Variants in WNT7A observed in about 807,000 individuals in gnomAD.
The protein encoded by WNT7A is protein Wnt-7a.
Under a neutral mutation model 28.2 loss-of-function variants are expected in WNT7A, and 16 were observed. The observed-to-expected ratio is 0.57, with a 90% CI of 0.38 to 0.86. WNT7A has a LOEUF of 0.86. WNT7A is among the 40% of genes least tolerant of loss of function. The pLI is 0.00. For synonymous variants in WNT7A, 190 were observed against 195.9 expected (o/e 0.97, Z 0.25); for missense variants, 411 against 489.7 (o/e 0.84, Z 1.52).
Position 13,856,853 on chromosome 3 carries a change from AGAAGAG to A in WNT7A, c.299-2056_299-2051del, listed in dbSNP as rs1291301528. ...ATGAAGGAGAAGAAGAAGAAGAGGA[AGAAGAG>A]GAAGAGGAAGAGGAAGAAGAGGAAG... On this transcript the variant is annotated intron_variant, in intron 2 of 3. Transcript: ENST00000285018. Among the ~76,000 whole-genome samples, 77 of 149,052 alleles carry A rather than the reference AGAAGAG, an allele frequency of 5.2e-4. 1 individual carries two copies. The highest frequency in any genetic ancestry group is 1.3e-3 in the African/African-American group (54 of 40,232).
At chr3:13,839,189 T>C (rs1694418108) in intron 3 of WNT7A, among the ~76,000 whole-genome samples, 2 of 152,208 alleles carry the variant, frequency 1.3e-5, no homozygotes, top group South Asian at 2.1e-4. Flanking sequence ...GTGTGGTTCC[T>C]GGACCAACCA....
At chr3:13,836,930 A>G (rs1407563818) in intron 3 of WNT7A, among the ~76,000 whole-genome samples, 1 of 152,194 alleles carries the variant, frequency 6.6e-6, no homozygotes, top group Non-Finnish European at 1.5e-5. Flanking sequence ...CAGGTAGGAA[A>G]GGAAGGCAAG....
intron 1 of WNT7A, among the ~76,000 whole-genome samples, chr3:13,877,883 C>T (rs530702552): frequency 6.6e-6 from 1 of 152,300 alleles, no homozygotes; most frequent in African/African-American, 2.4e-5. Context: ...ATAAGAATAC[C>T]GCAGATGCCC....
chr3:13,866,807 GAGA>G (rs1256087752), intron 2 of WNT7A, among the ~76,000 whole-genome samples: 11 of 152,200 alleles, frequency 7.2e-5, no homozygotes, highest in Non-Finnish European at 1.5e-5. Context: ...GAGCAACACG[GAGA>G]AGATGTCATG....
chr3:13,835,083 G>A (rs938070894), intron 3 of WNT7A, among the ~76,000 whole-genome samples: 1 of 152,246 alleles, frequency 6.6e-6, no homozygotes, highest in Non-Finnish European at 1.5e-5. Context: ...GGGCAGGCTA[G>A]GCAGAGGGAA....
intron 3 of WNT7A, among the ~76,000 whole-genome samples, chr3:13,847,388 G>A (rs565767151): frequency 9.1e-4 from 139 of 152,332 alleles, no homozygotes; most frequent in African/African-American, 3.0e-3. Context: ...CAGGAGCCAG[G>A]CCCTAGGTGC....
intron 3 of WNT7A, among the ~76,000 whole-genome samples, chr3:13,820,271 T>A (rs746167771): frequency 1.3e-5 from 2 of 152,178 alleles, no homozygotes; most frequent in Non-Finnish European, 2.9e-5. Flanking sequence ...GCTTGTTATA[T>A]CATGAAAGAA....
At chr3:13,831,123 C>T (rs1436821174) in intron 3 of WNT7A, among the ~76,000 whole-genome samples, 2 of 152,146 alleles carry the variant, frequency 1.3e-5, no homozygotes, top group Non-Finnish European at 1.5e-5. Flanking sequence ...GACAATTTCT[C>T]GGCCTAGGGC....
At chr3:13,869,570 AAG>A (rs200249080) in intron 2 of WNT7A, among the ~76,000 whole-genome samples, 3,438 of 147,368 alleles carry the variant, frequency 0.023, 103 homozygotes, top group East Asian at 0.13. Context: ...GGAAGGAATG[AAG>A]AGAGAGAGAG....
chr3:13,853,755 G>T lies in WNT7A; in HGVS notation c.570+777C>A, dbSNP rs537178805. 1.2e-3 allele frequency among the ~76,000 whole-genome samples: 176 copies of T among 152,320 alleles called. 6 individuals carry two copies. The highest frequency in any genetic ancestry group is 1.0e-4 in the Non-Finnish European group (7 of 68,030). On this transcript the variant is annotated intron_variant, in intron 3 of 3. Transcript: ENST00000285018. ...ACGGGATCCATCCTGACCCTGACTT[G>T]CTGCGGGCCACGTGCTATTCTCTCC... is the stretch of plus-strand genomic sequence containing the variant.
chr3:13,821,317 T>C (rs1694106426), intron 3 of WNT7A, among the ~76,000 whole-genome samples: 1 of 152,218 alleles, frequency 6.6e-6, no homozygotes. Flanking sequence ...CCTCAGACAC[T>C]GCTGGAGGCA....
At chr3:13,864,850 A>AGG in intron 2 of WNT7A, among the ~76,000 whole-genome samples, 1 of 152,276 alleles carries the variant, frequency 6.6e-6, no homozygotes, top group African/African-American at 2.4e-5. Context: ...GCTTTCCTGT[A>AGG]CTTGTATGGA....
At chr3:13,837,276 T>C (rs1242043430) in intron 3 of WNT7A, among the ~76,000 whole-genome samples, 1 of 151,922 alleles carries the variant, frequency 6.6e-6, no homozygotes, top group Non-Finnish European at 1.5e-5. Context: ...GTGACACCCT[T>C]CCTCCAGTTC....
intron 3 of WNT7A, among the ~76,000 whole-genome samples, chr3:13,828,130 G>T (rs1445963313): frequency 6.6e-6 from 1 of 152,228 alleles, no homozygotes; most frequent in African/African-American, 2.4e-5. Context: ...CTAAGGATGG[G>T]TGACTCAGAC....
At chr3:13,856,791 C>A (rs1474285017) in intron 2 of WNT7A, among the ~76,000 whole-genome samples, 1 of 151,132 alleles carries the variant, frequency 6.6e-6, no homozygotes, top group Non-Finnish European at 1.5e-5. Flanking sequence ...GCACTCCATC[C>A]TGGGTGACAG....
chr3:13,829,038 A>G (rs1352749915), intron 3 of WNT7A, among the ~76,000 whole-genome samples: 1 of 152,060 alleles, frequency 6.6e-6, no homozygotes, highest in African/African-American at 2.4e-5. Context: ...AAAGCATAAC[A>G]CATCGCCTGA....
At chr3:13,831,782 G>A (rs1165433089) in intron 3 of WNT7A, among the ~76,000 whole-genome samples, 1 of 152,056 alleles carries the variant, frequency 6.6e-6, no homozygotes, top group Admixed American at 6.5e-5. Context: ...GTTTCTCATG[G>A]GACCAGCATA....
intron 1 of WNT7A, 124 bp downstream of exon 1, chr3:13,879,622 C>T: frequency 9.1e-7 from 1 of 1,096,512 alleles, no homozygotes; most frequent in Non-Finnish European, 1.3e-6. Flanking sequence ...CACACCGCAC[C>T]CACCCGGCCT....
At chr3:13,852,450 G>A (rs1306003324) in intron 3 of WNT7A, among the ~76,000 whole-genome samples, 1 of 152,172 alleles carries the variant, frequency 6.6e-6, no homozygotes, top group Non-Finnish European at 1.5e-5. Flanking sequence ...TCTGGGGTGG[G>A]GTCCCATGCC....
Sources: gnomAD v4.1 joint callset for allele counts (sites outside exome capture counted in the v4.1 genomes callset) on GRCh38, gnomAD v4.1.1 for gene constraint, MANE v1.5 for transcripts, NCBI Gene and HGNC (gene_info 2026-07-23, HGNC 2026-07-21) for gene names.